The following ITSN1 variants were observed in gnomAD, a reference collection of about 807,000 sequenced individuals.
ITSN1 encodes intersectin 1.
In ITSN1, 58 loss-of-function variants were observed where a neutral mutation model predicts 239.8. The ratio of observed to expected loss-of-function variants is 0.24; its 90% CI spans 0.20 to 0.30. The LOEUF is 0.30. Among genes scored for constraint, ITSN1 ranks in the 10% least tolerant of loss-of-function variants. The pLI, the probability that ITSN1 is intolerant of heterozygous loss-of-function variation, is 1.00. For missense variants in ITSN1, 1,558 were observed against 2,103.3 expected (o/e 0.74, Z 5.07); for synonymous variants, 780 against 770.8 (o/e 1.01, Z -0.20).
intron 1 of ITSN1, among the ~76,000 whole-genome samples, chr21:33,652,930 CA>C (rs998495651): frequency 2.6e-5 from 4 of 151,552 alleles, no homozygotes; most frequent in African/African-American, 9.7e-5. Flanking sequence ...CATCGTTCCC[CA>C]AAACTGAGGG....
At chr21:33,827,183 T>G (rs1272854922) in intron 26 of ITSN1, among the ~76,000 whole-genome samples, 1 of 152,138 alleles carries the variant, frequency 6.6e-6, no homozygotes, top group Non-Finnish European at 1.5e-5. Context: ...GTGGATCATT[T>G]GAGGTCAGGA....
chr21:33,819,888 A>G (rs1372851137), intron 24 of ITSN1, among the ~76,000 whole-genome samples: 1 of 152,110 alleles, frequency 6.6e-6, no homozygotes, highest in Non-Finnish European at 1.5e-5. Flanking sequence ...AGGCTGAGGC[A>G]GGAGAATGGC....
At chr21:33,799,717 A>G in intron 18 of ITSN1, 91 bp from the exon 19 acceptor site, 1 of 1,365,778 alleles carries the variant, frequency 7.3e-7, no homozygotes, top group South Asian at 1.3e-5. Flanking sequence ...GATAGGCAAT[A>G]GAGGAGAGGT....
intron 16 of ITSN1, among the ~76,000 whole-genome samples, chr21:33,793,596 G>T (rs543340978): frequency 6.6e-6 from 1 of 152,148 alleles, no homozygotes; most frequent in Non-Finnish European, 1.5e-5. Context: ...ATCATAGAAT[G>T]CATTTTATTT....
At chr21:33,664,198 T>G (rs2089769828) in intron 1 of ITSN1, among the ~76,000 whole-genome samples, 1 of 152,190 alleles carries the variant, frequency 6.6e-6, no homozygotes, top group Non-Finnish European at 1.5e-5. Flanking sequence ...AAGGTCAAGT[T>G]AGAGCATCCG....
chr21:33,895,619 A>T lies in ITSN1; in HGVS notation c.*7319A>T, dbSNP rs1394820052. 3 of 94,902 alleles carry T rather than the reference A, an allele frequency of 3.2e-5. No homozygotes were observed. Among genetic ancestry groups the T allele is most frequent in the Non-Finnish European group, 6.8e-5 (3 of 44,010 alleles). The allele number at this position is 94,902 out of a possible 1,614,324, so 5.9% of individuals were successfully genotyped here. On this transcript the variant is annotated 3_prime_UTR_variant, in exon 40 of 40. Coordinates refer to ENST00000381318, the MANE Select transcript of ITSN1 (RefSeq NM_003024.3). Reference sequence around the variant, plus strand: ...TGCATGTGTTTGTGCGTGTGTGCGTATTTGTGTGTGTGCGTGTGTGTGCGT... The same window carrying T: ...TGCATGTGTTTGTGCGTGTGTGCGTTTTTGTGTGTGTGCGTGTGTGTGCGT...
intron 1 of ITSN1, among the ~76,000 whole-genome samples, chr21:33,665,748 C>T (rs1333459231): frequency 6.6e-6 from 1 of 152,130 alleles, no homozygotes; most frequent in Non-Finnish European, 1.5e-5. Context: ...AACTTTTGTG[C>T]ATCAGTGGAC....
At chr21:33,854,121 T>C (rs1205772422) in intron 29 of ITSN1, among the ~76,000 whole-genome samples, 1 of 152,230 alleles carries the variant, frequency 6.6e-6, no homozygotes, top group Non-Finnish European at 1.5e-5. Context: ...AATGAAAGTG[T>C]GCCCTAAAGG....
At chr21:33,815,790 C>G (rs2073225628) in intron 22 of ITSN1, among the ~76,000 whole-genome samples, 1 of 152,046 alleles carries the variant, frequency 6.6e-6, no homozygotes, top group African/African-American at 2.4e-5. Flanking sequence ...GAAAAATGTT[C>G]AAGTTGGGCT....
intron 1 of ITSN1, among the ~76,000 whole-genome samples, chr21:33,682,611 C>T (rs928973520): frequency 6.6e-6 from 1 of 152,152 alleles, no homozygotes. Flanking sequence ...TCACTGTAAC[C>T]TCTGCTTCCC....
intron 31 of ITSN1, among the ~76,000 whole-genome samples, chr21:33,859,539 G>A (rs182764699): frequency 5.3e-5 from 8 of 152,290 alleles, no homozygotes; most frequent in East Asian, 1.9e-4. Flanking sequence ...CCTGCAGGGC[G>A]CGTGATATTC....
At chr21:33,860,951 A>T (rs1267385727) in intron 31 of ITSN1, among the ~76,000 whole-genome samples, 1 of 152,146 alleles carries the variant, frequency 6.6e-6, no homozygotes, top group Non-Finnish European at 1.5e-5. Context: ...TGATGTGTAC[A>T]GGGGCTGCTG....
intron 17 of ITSN1, among the ~76,000 whole-genome samples, chr21:33,795,191 C>G (rs927872703): frequency 1.3e-5 from 2 of 152,212 alleles, no homozygotes; most frequent in African/African-American, 2.4e-5. Flanking sequence ...TGGCTCACAC[C>G]TGTAATCCCA....
intron 1 of ITSN1, among the ~76,000 whole-genome samples, chr21:33,649,133 G>A (rs1365561444): frequency 2.0e-5 from 3 of 152,206 alleles, no homozygotes; most frequent in African/African-American, 4.8e-5. Flanking sequence ...ACAGCTGGGT[G>A]TGTGTGTCCA....
chr21:33,851,778 C>CTTTTTTTTTTTTTTTTTTTTTTTTTTT, intron 29 of ITSN1, among the ~76,000 whole-genome samples: 1 of 66,206 alleles, frequency 1.5e-5, no homozygotes, highest in Non-Finnish European at 2.6e-5. Context: ...CTTTTCTTTC[C>CTTTTTTTTTTTTTTTTTTTTTTTTTTT]TTTTTTTTTT....
intron 1 of ITSN1, among the ~76,000 whole-genome samples, chr21:33,683,188 C>G (rs1298154621): frequency 6.9e-6 from 1 of 145,480 alleles, no homozygotes; most frequent in Non-Finnish European, 1.5e-5. Context: ...CAGGCGCTGA[C>G]TTTTTTTTTT....
At position 33,865,951 on chromosome 21, in the gene ITSN1, G is replaced by T. The variant is rs1046041268; in HGVS notation, c.4074+617G>T. Among the ~76,000 whole-genome samples the T allele has an allele frequency of 6.6e-6, 1 of 152,054 alleles. No individual in the cohort carries two copies. The highest frequency in any genetic ancestry group is 2.1e-4 in the South Asian group (1 of 4,830). On this transcript the variant is annotated intron_variant, in intron 32 of 39. Coordinates refer to ENST00000381318, the MANE Select transcript of ITSN1 (RefSeq NM_003024.3). This position sits in a 1 kb window ranked among gnomAD's most constrained non-coding sequence, Gnocchi z 4.4. Reference sequence around the variant, plus strand: ...TGGGACTTGGCCTTGGCCAGTGTGGGTCTCTGCTGGCCGTGCTGGGCCATT... The same window carrying T: ...TGGGACTTGGCCTTGGCCAGTGTGGTTCTCTGCTGGCCGTGCTGGGCCATT...
intron 10 of ITSN1, 76 bp from the exon 11 acceptor site, chr21:33,767,637 T>A (rs1279912053): frequency 1.4e-6 from 1 of 704,460 alleles, no homozygotes; most frequent in African/African-American, 1.8e-5. Flanking sequence ...TCTTTAAAAA[T>A]CCTTCTTCAT....
chr21:33,842,870 C>A (rs2074871840), intron 29 of ITSN1, among the ~76,000 whole-genome samples: 1 of 152,126 alleles, frequency 6.6e-6, no homozygotes, highest in Non-Finnish European at 1.5e-5. Flanking sequence ...GACGCTGTTT[C>A]CCTCAGTGAG....
Sources: allele counts gnomAD v4.1 joint callset (sites outside exome capture counted in the v4.1 genomes callset), GRCh38; gene constraint gnomAD v4.1.1; non-coding constraint Gnocchi (gnomAD v3.1); transcripts MANE v1.5; gene names NCBI Gene and HGNC (gene_info 2026-07-23, HGNC 2026-07-21).